Variants in SLC4A4 observed in about 807,000 individuals in gnomAD.
SLC4A4 encodes the protein solute carrier family 4 member 4.
A neutral mutation model predicts 111.5 loss-of-function variants in SLC4A4; 27 were observed. The ratio of observed to expected loss-of-function variants is 0.24; its 90% CI spans 0.18 to 0.33. The LOEUF is 0.33. Ranked by LOEUF, SLC4A4 falls within the 10% of genes least tolerant of loss-of-function variation. The pLI, the probability that SLC4A4 is intolerant of heterozygous loss-of-function variation, is 1.00. For synonymous variants in SLC4A4, 443 were observed against 463.4 expected (o/e 0.96, Z 0.57); for missense variants, 909 against 1,315.5 (o/e 0.69, Z 4.78).
intron 15 of SLC4A4, among the ~76,000 whole-genome samples, chr4:71,494,993 CTT>C (rs1403999959): frequency 1.3e-5 from 2 of 152,004 alleles, no homozygotes; most frequent in Admixed American, 1.3e-4. Context: ...GAGTAGGAAA[CTT>C]TGTATTCTGA....
At chr4:71,278,084 A>G (rs568773027) in intron 3 of SLC4A4, among the ~76,000 whole-genome samples, 1 of 152,218 alleles carries the variant, frequency 6.6e-6, no homozygotes, top group East Asian at 1.9e-4. Context: ...TCCTTGGACC[A>G]ACATCTCCCC....
intron 14 of SLC4A4, among the ~76,000 whole-genome samples, chr4:71,482,477 A>G (rs1207116607): frequency 6.6e-6 from 1 of 151,640 alleles, no homozygotes; most frequent in East Asian, 2.0e-4. Context: ...TCAGATTGCA[A>G]TCCTATTTTA....
At position 71,231,382 on chromosome 4, in the gene SLC4A4, C is replaced by T. The variant is rs951910592; in HGVS notation, c.-1-5194C>T. On this transcript the variant is annotated intron_variant, in intron 1 of 25. Coordinates refer to ENST00000264485, the MANE Select transcript of SLC4A4 (RefSeq NM_001098484.3). ...CTGACAGTTTTGCACAAATGTTTCT[C>T]ATGCTGGGCTTAAGTCACCCTTACG... is the stretch of plus-strand genomic sequence containing the variant. Among the ~76,000 whole-genome samples, 4 of 152,318 alleles carry T rather than the reference C, an allele frequency of 2.6e-5. No homozygotes were observed. The East Asian group carries it at 7.7e-4, about 29-fold the overall frequency.
chr4:71,305,365 CTA>C lies in SLC4A4; in HGVS notation c.254-34004_254-34003del, dbSNP rs1215612905. On this transcript the variant is annotated intron_variant, in intron 3 of 25. Coordinates refer to ENST00000264485, the MANE Select transcript of SLC4A4 (RefSeq NM_001098484.3). ...AGCTACTTAAGAGGTCTGTTCCATT[CTA>C]AAGATTCAATTGCAACTGTCCCTTT... Among the ~76,000 whole-genome samples the C allele has an allele frequency of 3.9e-5, 6 of 152,296 alleles. No homozygotes were observed. In the East Asian group the frequency reaches 1.2e-3, roughly 29 times the overall value.
chr4:71,089,461 A>G (rs1742309620), intron 1 of SLC4A4, among the ~76,000 whole-genome samples: 1 of 151,972 alleles, frequency 6.6e-6, no homozygotes, highest in South Asian at 2.1e-4. Flanking sequence ...CCTTTGGAGG[A>G]GGAGAGGCGC....
In SLC4A4 at chr4:71,248,951, T is replaced by C. The variant is rs192777457; in HGVS notation, c.74-6269T>C. Among the ~76,000 whole-genome samples the C allele has an allele frequency of 7.2e-5, 11 of 152,316 alleles. No individual in the cohort carries two copies. The East Asian group carries it at 1.9e-3, about 27-fold the overall frequency. ...TAGCTAACAATCATAAGCTTGTGTC[T>C]CCTTTGAGACCTTTTATTCTGTAGC... On this transcript the variant is annotated intron_variant, in intron 2 of 25. Transcript: ENST00000264485.
chr4:71,236,253 T>C, intron 1 of SLC4A4: 8 of 866,140 alleles, frequency 9.2e-6, no homozygotes, highest in Non-Finnish European at 1.1e-5. Context: ...TTTTTTTTGC[T>C]TTCATCCTTT....
intron 6 of SLC4A4, among the ~76,000 whole-genome samples, chr4:71,384,301 C>T (rs369350243): frequency 6.6e-6 from 1 of 152,168 alleles, no homozygotes; most frequent in Non-Finnish European, 1.5e-5. Flanking sequence ...AGACTTACAG[C>T]ACTTTGGTCT....
intron 2 of SLC4A4, among the ~76,000 whole-genome samples, chr4:71,098,662 C>T (rs1023832438): frequency 1.3e-5 from 2 of 152,044 alleles, no homozygotes; most frequent in African/African-American, 4.8e-5. Flanking sequence ...TTAAATTGTG[C>T]ATAGTGGCAA....
At chr4:71,514,342 G>A (rs1255809353) in intron 16 of SLC4A4, among the ~76,000 whole-genome samples, 1 of 152,030 alleles carries the variant, frequency 6.6e-6, no homozygotes, top group Non-Finnish European at 1.5e-5. Flanking sequence ...TCTTCCTCCT[G>A]CTGCAGCCAT....
chr4:71,300,663 G>T, intron 3 of SLC4A4: 1 of 382,720 alleles, frequency 2.6e-6, no homozygotes. Flanking sequence ...AGTCCAGGAT[G>T]AGGAGCAGCA....
At chr4:71,176,945 A>T (rs2148985260) in intron 2 of SLC4A4, among the ~76,000 whole-genome samples, 2 of 152,382 alleles carry the variant, frequency 1.3e-5, no homozygotes, top group South Asian at 4.1e-4. Context: ...CGGGTTACTC[A>T]CAAAGGGAAG....
At chr4:71,462,298 C>CAGTT (rs1406671338) in intron 12 of SLC4A4, among the ~76,000 whole-genome samples, 2 of 152,054 alleles carry the variant, frequency 1.3e-5, no homozygotes, top group Admixed American at 1.3e-4. Context: ...AAAGGTTACC[C>CAGTT]AGTTGGTCAC....
chr4:71,130,034 A>G (rs1247465313), intron 2 of SLC4A4, among the ~76,000 whole-genome samples: 2 of 152,170 alleles, frequency 1.3e-5, no homozygotes, highest in Admixed American at 6.6e-5. Context: ...ATGGGGTACC[A>G]TGCTTATTAC....
Position 71,106,925 on chromosome 4 carries a change from A to AAAATAAATAAATAAATAAATAAAT in SLC4A4, c.-2+14155_-2+14156insATAAATAAATAAATAAATAAATAA, listed in dbSNP as rs759756657. Among the ~76,000 whole-genome samples the AAAATAAATAAATAAATAAATAAAT allele has an allele frequency of 3.3e-3, 500 of 150,956 alleles. 5 individuals are homozygous for AAAATAAATAAATAAATAAATAAAT. The highest frequency in any genetic ancestry group is 0.012 in the African/African-American group (472 of 40,898). ...GTACCCTAAAACTTAAAGTATAATA[A>AAAATAAATAAATAAATAAATAAAT]AAATAAATAAATAAATAAATAATAA... On this transcript the variant is annotated intron_variant, in intron 2 of 26. Transcript: ENST00000649996.
At chr4:71,332,162 T>G (rs929415057) in intron 3 of SLC4A4, among the ~76,000 whole-genome samples, 1 of 152,170 alleles carries the variant, frequency 6.6e-6, no homozygotes, top group Admixed American at 6.5e-5. Context: ...TTTTAAAATT[T>G]CATTTATTCA....
At chr4:71,190,592 A>C (rs1024289249) in intron 1 of SLC4A4, among the ~76,000 whole-genome samples, 1 of 152,206 alleles carries the variant, frequency 6.6e-6, no homozygotes, top group African/African-American at 2.4e-5. Context: ...AGCCAGGTGC[A>C]GTGGTCCCAG....
chr4:71,182,194 C>T lies in SLC4A4; in HGVS notation c.-1-54382C>T, dbSNP rs567304707. Among the ~76,000 whole-genome samples, 7 of 152,276 alleles carry T rather than the reference C, an allele frequency of 4.6e-5. No individual in the cohort carries two copies. In the South Asian group the frequency reaches 1.5e-3, roughly 32 times the overall value. On this transcript the variant is annotated intron_variant, in intron 2 of 26. Coordinates refer to the SLC4A4 transcript ENST00000649996. ...TGGTTGACTGAATGGATGACCCAAC[C>T]ATGCCCCATATTCTGTGGTAGAACT... is the stretch of plus-strand genomic sequence containing the variant.
chr4:71,448,319 CAA>C lies in SLC4A4; in HGVS notation c.1053+604_1053+605del, dbSNP rs5859260. 8.9e-3 allele frequency among the ~76,000 whole-genome samples: 797 copies of C among 89,594 alleles called. 2 individuals are homozygous for C. The highest frequency in any genetic ancestry group is 0.019 in the African/African-American group (478 of 25,318). The allele number at this position is 89,594 out of a possible 152,430, so 58.8% of individuals were successfully genotyped here. A position where few individuals can be genotyped will look rare whatever the true frequency, so the allele number is the denominator to read the frequency against. On this transcript the variant is annotated intron_variant, in intron 9 of 25. Coordinates refer to ENST00000264485, the MANE Select transcript of SLC4A4 (RefSeq NM_001098484.3). ...TGGGCAACAGAGCGAGATTCCATCT[CAA>C]AAAAAAAAAAAAAAAAAGGTTCAAG...
Sources: allele counts gnomAD v4.1 joint callset (sites outside exome capture counted in the v4.1 genomes callset), GRCh38; gene constraint gnomAD v4.1.1; transcripts MANE v1.5; gene names NCBI Gene and HGNC (gene_info 2026-07-23, HGNC 2026-07-21).